Variants in SLC22A24 observed in about 807,000 individuals in gnomAD.
SLC22A24 encodes the protein steroid transmembrane transporter SLC22A24.
A neutral mutation model predicts 49.8 loss-of-function variants in SLC22A24; 53 were observed. The observed-to-expected ratio is 1.06, with a 90% CI of 0.85 to 1.34. The LOEUF (loss-of-function observed/expected upper bound fraction) is 1.34. SLC22A24 is among the 40% of genes most tolerant of loss of function. SLC22A24 has a pLI of 0.00. For missense variants in SLC22A24, 786 were observed against 675.9 expected, an observed-to-expected ratio of 1.16 and a Z score of -1.81; for synonymous variants, 302 against 256.4, an observed-to-expected ratio of 1.18 and a Z score of -1.70.
At chr11:63,134,880 C>T in intron 1 of SLC22A24, 112 bp from the exon 2 acceptor site, 1 of 644,286 alleles carries the variant, frequency 1.6e-6, no homozygotes, top group Non-Finnish European at 2.7e-6. Flanking sequence ...CTAGGCAGGT[C>T]CTGCCTCCCT....
At chr11:63,117,723 T>C (rs1358584148) in intron 4 of SLC22A24, among the ~76,000 whole-genome samples, 1 of 152,218 alleles carries the variant, frequency 6.6e-6, no homozygotes, top group Non-Finnish European at 1.5e-5. Flanking sequence ...TAGCTTACTT[T>C]ACCATAAGAA....
chr11:63,141,840 G>T (rs1335175316), intron 1 of SLC22A24, among the ~76,000 whole-genome samples: 1 of 152,168 alleles, frequency 6.6e-6, no homozygotes, highest in Non-Finnish European at 1.5e-5. Context: ...AGTTTGTTTT[G>T]TAAACTGTAA....
At chr11:63,109,321 C>T (rs2087145473) in intron 4 of SLC22A24, among the ~76,000 whole-genome samples, 1 of 146,388 alleles carries the variant, frequency 6.8e-6, no homozygotes, top group Non-Finnish European at 1.5e-5. Context: ...GTGCATGTGT[C>T]TTTATAGCAG....
intron 5 of SLC22A24, among the ~76,000 whole-genome samples, chr11:63,097,025 T>C (rs2087058962): frequency 6.6e-6 from 1 of 152,136 alleles, no homozygotes; most frequent in Non-Finnish European, 1.5e-5. Context: ...ATTCATTTCT[T>C]ACATTTATGA....
At chr11:63,106,314 T>C (rs1159241332) in intron 4 of SLC22A24, among the ~76,000 whole-genome samples, 1 of 152,230 alleles carries the variant, frequency 6.6e-6, no homozygotes, top group Non-Finnish European at 1.5e-5. Context: ...TGCCACATTT[T>C]CTTAATCCAG....
In SLC22A24 at chr11:63,081,669, A is replaced by G; in HGVS notation, c.1286-3T>C. 2 of 1,540,856 alleles carry G rather than the reference A, an allele frequency of 1.3e-6. No individual in the cohort carries two copies. The highest frequency in any genetic ancestry group is 1.8e-6 in the Non-Finnish European group (2 of 1,137,126). ...AACCACACGCAGGATCTGCATTTCT[A>G]GAGAGAACAGTGAGAATCAGGAAAT... On this transcript the variant is annotated splice_polypyrimidine_tract_variant and splice_region_variant and intron_variant, in intron 7 of 9. Transcript: ENST00000612278.
chr11:63,111,928 T>C (rs1460617262), intron 4 of SLC22A24, among the ~76,000 whole-genome samples: 2 of 151,980 alleles, frequency 1.3e-5, no homozygotes, highest in East Asian at 1.9e-4. Flanking sequence ...TCTAGTTCTT[T>C]TAATTGTGAT....
At chr11:63,130,661 T>C (rs2087327670) in intron 2 of SLC22A24, among the ~76,000 whole-genome samples, 1 of 152,214 alleles carries the variant, frequency 6.6e-6, no homozygotes, top group Admixed American at 6.5e-5. Context: ...AGCCCATTAT[T>C]GTTCTATTCA....
chr11:63,125,968 G>A (rs2087287541), intron 2 of SLC22A24, among the ~76,000 whole-genome samples: 1 of 152,150 alleles, frequency 6.6e-6, no homozygotes, highest in African/African-American at 2.4e-5. Context: ...TTTGAGAAGT[G>A]TCTGTTCATA....
intron 4 of SLC22A24, among the ~76,000 whole-genome samples, chr11:63,113,255 C>CATATATATATATACATATATATAT (rs1327757895): frequency 7.0e-6 from 1 of 142,176 alleles, no homozygotes; most frequent in African/African-American, 2.7e-5. Flanking sequence ...CACACATACA[C>CATATATATATATACATATATATAT]ACACACACGT....
At chr11:63,102,646 C>T (rs2087098300) in intron 5 of SLC22A24, among the ~76,000 whole-genome samples, 2 of 152,266 alleles carry the variant, frequency 1.3e-5, no homozygotes, top group Middle Eastern at 3.4e-3. Context: ...ACAAATCTTG[C>T]TGGTGAAAAG....
rs757139606 is a variant in SLC22A24 at position 63,134,746 on chromosome 11, T to A, written c.425A>T (p.Gln142Leu). The A allele has an allele frequency of 1.9e-6, 3 of 1,572,360 alleles. No homozygotes were observed. Among genetic ancestry groups the A allele is most frequent in the Non-Finnish European group, 2.6e-6 (3 of 1,157,010 alleles). The change falls in exon 2 of 10, where the codon CAG (glutamine) becomes CTG (leucine). Residue 142 changes from glutamine (Q) to leucine (L), a missense_variant. Physicochemically the swap from Gln to Leu is moderately radical, Grantham distance 113. Coordinates refer to ENST00000612278, the MANE Select transcript of SLC22A24 (RefSeq NM_001136506.2). ...VTEWDLVCES[Q>L]SLKSMVQSLF... ...GGATTGAACCATTGATTTTAGTGAC[T>A]GAGATTCACATACCAGGTCCCACTG... is the stretch of plus-strand genomic sequence containing the variant.
At chr11:63,111,295 T>C (rs1238110329) in intron 4 of SLC22A24, among the ~76,000 whole-genome samples, 1 of 152,090 alleles carries the variant, frequency 6.6e-6, no homozygotes, top group Non-Finnish European at 1.5e-5. Context: ...ATCAAGGGTA[T>C]TGGTCTAAAA....
At position 63,106,038 on chromosome 11, in the gene SLC22A24, G is replaced by A. The variant is rs180817032; in HGVS notation, c.831-1740C>T. Among the ~76,000 whole-genome samples the A allele has an allele frequency of 1.7e-3, 252 of 151,182 alleles. 1 individual carries two copies. The highest frequency in any genetic ancestry group is 5.9e-3 in the African/African-American group (244 of 41,168). On this transcript the variant is annotated intron_variant, in intron 4 of 9. Coordinates refer to ENST00000612278, the MANE Select transcript of SLC22A24 (RefSeq NM_001136506.2). ...GCTGGTATGCTGCACCCATTAACTC[G>A]TCATTTAGCATTAGGTATATCTCCT...
Position 63,110,530 on chromosome 11 carries a change from G to T in SLC22A24, c.831-6232C>A, listed in dbSNP as rs1489341347. ...GTATCCTCTTTTATTTCATTGAGCAGTGGTTTGTAGTTCTCCTTGAAGAGG... is the reference window on the plus strand; with the variant it reads ...GTATCCTCTTTTATTTCATTGAGCATTGGTTTGTAGTTCTCCTTGAAGAGG... On this transcript the variant is annotated intron_variant, in intron 4 of 9. Transcript: ENST00000612278. Among the ~76,000 whole-genome samples the T allele has an allele frequency of 3.1e-4, 40 of 127,266 alleles. 1 individual carries two copies. Among genetic ancestry groups the T allele is most frequent in the African/African-American group, 9.7e-4 (35 of 35,936 alleles). 83.5% of individuals were successfully genotyped at this position (127,266 alleles called of 152,430 possible). A position where few individuals can be genotyped will look rare whatever the true frequency, so the allele number is the denominator to read the frequency against.
At chr11:63,120,125 A>G (rs979480055) in intron 2 of SLC22A24, among the ~76,000 whole-genome samples, 3 of 151,048 alleles carry the variant, frequency 2.0e-5, no homozygotes, top group East Asian at 2.0e-4. Flanking sequence ...CTTTAGTTTA[A>G]TTAGATCCCA....
chr11:63,113,035 A>ATAT (rs1236634395), intron 4 of SLC22A24, among the ~76,000 whole-genome samples: 4 of 15,126 alleles, frequency 2.6e-4, no homozygotes, highest in Non-Finnish European at 3.4e-4. Context: ...AAAAAAAAAA[A>ATAT]ATATATATAT....
At chr11:63,110,340 T>G (rs1041240870) in intron 4 of SLC22A24, among the ~76,000 whole-genome samples, 1 of 152,202 alleles carries the variant, frequency 6.6e-6, no homozygotes, top group Non-Finnish European at 1.5e-5. Context: ...GGCTCTTTTT[T>G]GGTTCCATAT....
At chr11:63,126,685 A>G (rs1027990825) in intron 2 of SLC22A24, among the ~76,000 whole-genome samples, 1 of 152,136 alleles carries the variant, frequency 6.6e-6, no homozygotes, top group East Asian at 1.9e-4. Context: ...GTTTTTTCCA[A>G]TTCTGTGAAG....
Sources: allele counts gnomAD v4.1 joint callset (sites outside exome capture counted in the v4.1 genomes callset), GRCh38; gene constraint gnomAD v4.1.1; transcripts MANE v1.5; gene names NCBI Gene and HGNC (gene_info 2026-07-23, HGNC 2026-07-21).